The following THSD7B variants were observed in gnomAD, a reference collection of about 807,000 sequenced individuals.
The protein encoded by THSD7B is thrombospondin type-1 domain-containing protein 7B.
A neutral mutation model predicts 213.6 loss-of-function variants in THSD7B; 138 were observed. The ratio of observed to expected loss-of-function variants is 0.65; its 90% confidence interval spans 0.56 to 0.74. The LOEUF (loss-of-function observed/expected upper bound fraction) is 0.74. Ranked by LOEUF, THSD7B falls within the 30% of genes least tolerant of loss-of-function variation. The probability of loss-of-function intolerance (pLI) is 0.00; values close to 1 mark genes in which losing one functional copy is unlikely to be tolerated. For synonymous variants in THSD7B, 742 were observed against 687.0 expected, an observed-to-expected ratio of 1.08 and a Z score of -1.25; for missense variants, 1,931 against 1,991.5, an observed-to-expected ratio of 0.97 and a Z score of 0.58.
intron 3 of THSD7B, among the ~76,000 whole-genome samples, chr2:137,085,680 T>C (rs1687824877): frequency 6.6e-6 from 1 of 152,066 alleles, no homozygotes; most frequent in Non-Finnish European, 1.5e-5. Context: ...GGAGGACCTG[T>C]AAAACACCAT....
intron 2 of THSD7B, among the ~76,000 whole-genome samples, chr2:136,977,242 G>T (rs757293477): frequency 6.6e-5 from 10 of 152,216 alleles, no homozygotes; most frequent in Admixed American, 3.3e-4. Flanking sequence ...GATGTTTATA[G>T]TATTCTCTGA....
At chr2:137,360,260 G>A (rs558923717) in intron 12 of THSD7B, among the ~76,000 whole-genome samples, 11 of 152,258 alleles carry the variant, frequency 7.2e-5, no homozygotes, top group South Asian at 6.2e-4. Context: ...CAAGATGGCC[G>A]AATAGGAACA....
intron 12 of THSD7B, among the ~76,000 whole-genome samples, chr2:137,304,174 A>T (rs923654083): frequency 6.6e-6 from 1 of 152,094 alleles, no homozygotes; most frequent in African/African-American, 2.4e-5. Context: ...CATGGTGTAT[A>T]TGTGATTCTT....
At chr2:137,451,069 C>T (rs1180881407) in intron 15 of THSD7B, 46 bp downstream of exon 15, 1 of 1,449,158 alleles carries the variant, frequency 6.9e-7, no homozygotes, top group Admixed American at 2.8e-5. Flanking sequence ...AAGCTATCCT[C>T]ATTATTATTT....
At chr2:136,889,653 G>C (rs1203994239) in intron 2 of THSD7B, among the ~76,000 whole-genome samples, 3 of 152,144 alleles carry the variant, frequency 2.0e-5, no homozygotes, top group African/African-American at 4.8e-5. Flanking sequence ...ACCTACTGCT[G>C]CTTTTCCCCA....
chr2:137,185,567 A>G (rs893700604), intron 7 of THSD7B, among the ~76,000 whole-genome samples: 9 of 152,184 alleles, frequency 5.9e-5, no homozygotes, highest in Non-Finnish European at 1.3e-4. Flanking sequence ...TGGAAAGGAC[A>G]TGATTTTGTC....
chr2:137,562,601 T>C (rs1681144138), intron 15 of THSD7B, among the ~76,000 whole-genome samples: 2 of 140,520 alleles, frequency 1.4e-5, no homozygotes, highest in Non-Finnish European at 1.5e-5. Context: ...TCTTTGTGTG[T>C]GTGTGTGTGT....
intron 12 of THSD7B, among the ~76,000 whole-genome samples, chr2:137,347,447 T>A (rs1684899528): frequency 6.6e-6 from 1 of 151,480 alleles, no homozygotes; most frequent in Non-Finnish European, 1.5e-5. Flanking sequence ...ACAGAAGCAG[T>A]AGAAAGTGTG....
At chr2:137,230,949 A>G (rs1213360332) in intron 7 of THSD7B, 95 bp from the exon 8 acceptor site, 1 of 1,205,784 alleles carries the variant, frequency 8.3e-7, no homozygotes, top group Non-Finnish European at 1.1e-6. Flanking sequence ...AGAAACTATC[A>G]TTTTTGGGGG....
intron 1 of THSD7B, among the ~76,000 whole-genome samples, chr2:136,849,850 C>T (rs1683068968): frequency 1.3e-5 from 2 of 152,006 alleles, no homozygotes; most frequent in African/African-American, 4.8e-5. Flanking sequence ...TAGGCATAAA[C>T]CACCTAGCTT....
chr2:137,466,637 C>G (rs1353145006), intron 15 of THSD7B, among the ~76,000 whole-genome samples: 1 of 152,102 alleles, frequency 6.6e-6, no homozygotes, highest in Admixed American at 6.6e-5. Context: ...ATCTGAGCTG[C>G]TTTACCTTTT....
At chr2:137,588,037 G>A (rs1216934763) in intron 17 of THSD7B, among the ~76,000 whole-genome samples, 2 of 152,188 alleles carry the variant, frequency 1.3e-5, no homozygotes, top group Middle Eastern at 3.2e-3. Flanking sequence ...GCAATGGCAG[G>A]TGCCCCTCCC....
At chr2:137,587,608 C>G (rs543075063) in intron 17 of THSD7B, among the ~76,000 whole-genome samples, 2 of 152,210 alleles carry the variant, frequency 1.3e-5, no homozygotes, top group Non-Finnish European at 2.9e-5. Flanking sequence ...CCACTCCAAA[C>G]CCTGTTTGCC....
At chr2:137,602,781 A>T (rs1363149272) in intron 17 of THSD7B, among the ~76,000 whole-genome samples, 1 of 152,164 alleles carries the variant, frequency 6.6e-6, no homozygotes. Context: ...ATTACCTCTT[A>T]AAAGTCCCAC....
At chr2:136,873,087 G>T (rs185903939) in intron 1 of THSD7B, among the ~76,000 whole-genome samples, 192 of 147,958 alleles carry the variant, frequency 1.3e-3, no homozygotes, top group Non-Finnish European at 2.4e-3. Context: ...CAGATACCCG[G>T]ATACCAAATT....
intron 3 of THSD7B, among the ~76,000 whole-genome samples, chr2:137,057,823 G>T (rs10928592): frequency 6.6e-6 from 1 of 152,038 alleles, no homozygotes. Flanking sequence ...TTAGAATGAC[G>T]TACTGGAGAA....
intron 2 of THSD7B, among the ~76,000 whole-genome samples, chr2:137,048,697 C>T (rs1299927937): frequency 6.6e-6 from 1 of 152,168 alleles, no homozygotes; most frequent in Non-Finnish European, 1.5e-5. Flanking sequence ...CTCTAGTAGA[C>T]AACATAAAAG....
At chr2:136,840,381 A>G (rs1180250956) in intron 1 of THSD7B, among the ~76,000 whole-genome samples, 1 of 152,140 alleles carries the variant, frequency 6.6e-6, no homozygotes, top group Admixed American at 6.6e-5. Context: ...CTCTGTCTCA[A>G]AAATAAATAA....
chr2:136,871,310 C>T (rs1054107071), intron 1 of THSD7B, among the ~76,000 whole-genome samples: 1 of 152,040 alleles, frequency 6.6e-6, no homozygotes, highest in African/African-American at 2.4e-5. Flanking sequence ...TTTATTATTC[C>T]ACCATGGGAC....
Sources: gnomAD v4.1 joint callset for allele counts (sites outside exome capture counted in the v4.1 genomes callset) on GRCh38, gnomAD v4.1.1 for gene constraint, MANE v1.5 for transcripts, NCBI Gene and HGNC (gene_info 2026-07-23, HGNC 2026-07-21) for gene names.